The following PTPRR variants were observed in gnomAD, a reference collection of about 807,000 sequenced individuals.
PTPRR encodes protein tyrosine phosphatase receptor type R, also known as receptor-type tyrosine-protein phosphatase R.
Under a neutral mutation model 77.2 loss-of-function variants are expected in PTPRR, and 38 were observed. That is an observed-to-expected ratio of 0.49 (90% CI 0.38 to 0.65). The LOEUF (loss-of-function observed/expected upper bound fraction) is 0.65. PTPRR is among the 30% of genes least tolerant of loss of function. The pLI is 0.00. For synonymous variants in PTPRR, 299 were observed against 283.1 expected, an observed-to-expected ratio of 1.06 and a Z score of -0.57; for missense variants, 744 against 799.2, an observed-to-expected ratio of 0.93 and a Z score of 0.83.
At chr12:70,751,953 T>C (rs771175997) in intron 5 of PTPRR, among the ~76,000 whole-genome samples, 2 of 152,160 alleles carry the variant, frequency 1.3e-5, no homozygotes, top group Non-Finnish European at 2.9e-5. Flanking sequence ...TTACAGAAAA[T>C]AGAATAGTTT....
chr12:70,858,685 C>A lies in PTPRR; in HGVS notation c.357+33994G>T, dbSNP rs555724902. On this transcript the variant is annotated intron_variant, in intron 2 of 13. Coordinates refer to ENST00000283228, the MANE Select transcript of PTPRR (RefSeq NM_002849.4). ...ATCATTTTCTTTTCAATATCTTCAG[C>A]ACCTTGCCCCATGACCTTTCATCCC... Among the ~76,000 whole-genome samples the A allele has an allele frequency of 2.6e-5, 4 of 152,134 alleles. No homozygotes were observed. In the South Asian group the frequency reaches 8.3e-4, roughly 32 times the overall value.
At chr12:70,844,188 G>T (rs979255329) in intron 2 of PTPRR, among the ~76,000 whole-genome samples, 3 of 152,028 alleles carry the variant, frequency 2.0e-5, no homozygotes, top group Middle Eastern at 3.2e-3. Flanking sequence ...ATTATTAAAG[G>T]ACTCGGTACT....
At chr12:70,777,765 A>G (rs540370145) in intron 2 of PTPRR, among the ~76,000 whole-genome samples, 1 of 152,302 alleles carries the variant, frequency 6.6e-6, no homozygotes, top group African/African-American at 2.4e-5. Flanking sequence ...GAGCTACACA[A>G]AGGAAGACAT....
chr12:70,783,105 C>T (rs1331287593), intron 2 of PTPRR, among the ~76,000 whole-genome samples: 1 of 152,122 alleles, frequency 6.6e-6, no homozygotes, highest in Non-Finnish European at 1.5e-5. Context: ...GCTGGTGGCA[C>T]CTTTGCCTGA....
In PTPRR at chr12:70,884,191, T is replaced by C. The variant is rs577511210; in HGVS notation, c.357+8488A>G. ...CACGTTGCTTCTACCACCTGAGTCA[T>C]AGGGATCACAGTGAGAAACCTAAGC... On this transcript the variant is annotated intron_variant, in intron 2 of 13. Transcript: ENST00000283228. 7.9e-5 allele frequency among the ~76,000 whole-genome samples: 12 copies of C among 152,322 alleles called. No individual in the cohort carries two copies. The East Asian group carries it at 1.5e-3, about 20-fold the overall frequency.
At chr12:70,762,865 A>C (rs1258340420) in intron 3 of PTPRR, among the ~76,000 whole-genome samples, 1 of 152,198 alleles carries the variant, frequency 6.6e-6, no homozygotes, top group Non-Finnish European at 1.5e-5. Context: ...AACTCTAGCT[A>C]TTATAATAAC....
intron 2 of PTPRR, among the ~76,000 whole-genome samples, chr12:70,892,433 A>T (rs924473750): frequency 2.0e-5 from 3 of 151,752 alleles, no homozygotes; most frequent in African/African-American, 4.9e-5. Flanking sequence ...ATATTTATTA[A>T]GCATCTACCA....
chr12:70,717,287 A>G (rs896655750), intron 6 of PTPRR, among the ~76,000 whole-genome samples: 4 of 152,188 alleles, frequency 2.6e-5, no homozygotes, highest in African/African-American at 7.2e-5. Context: ...CTTTAAAAAC[A>G]TTGAGCACTA....
At chr12:70,779,444 C>T (rs74471757) in intron 2 of PTPRR, among the ~76,000 whole-genome samples, 3,507 of 152,252 alleles carry the variant, frequency 0.023, 156 homozygotes, top group African/African-American at 0.079. Flanking sequence ...TGGGTGGTGC[C>T]TCCTTCTGGT....
chr12:70,713,641 A>G (rs2136821854), intron 6 of PTPRR, among the ~76,000 whole-genome samples: 1 of 150,192 alleles, frequency 6.7e-6, no homozygotes, highest in Middle Eastern at 3.4e-3. Context: ...CATTTCCCTA[A>G]TGACTGACAA....
rs868051796 is a variant in PTPRR at position 70,866,007 on chromosome 12, C to G, written c.357+26672G>C. Among the ~76,000 whole-genome samples the G allele has an allele frequency of 1.5e-4, 22 of 151,668 alleles. 1 individual carries two copies. In the Middle Eastern group the frequency reaches 0.01, roughly 70 times the overall value. ...CCAATGAGAACAAAGACACAACATA[C>G]CAGAATCTCTGGGACACATTCAAAG... On this transcript the variant is annotated intron_variant, in intron 2 of 13. Coordinates refer to ENST00000283228, the MANE Select transcript of PTPRR (RefSeq NM_002849.4).
At chr12:70,720,970 C>T (rs1040959199) in intron 6 of PTPRR, among the ~76,000 whole-genome samples, 1 of 152,168 alleles carries the variant, frequency 6.6e-6, no homozygotes, top group African/African-American at 2.4e-5. Flanking sequence ...TATAGAGGTG[C>T]TCCTTAACAG....
intron 8 of PTPRR, among the ~76,000 whole-genome samples, chr12:70,688,889 A>T (rs1197037759): frequency 1.3e-5 from 2 of 152,212 alleles, no homozygotes; most frequent in Non-Finnish European, 2.9e-5. Context: ...ATTTGTGACA[A>T]CATAGATAGA....
intron 3 of PTPRR, among the ~76,000 whole-genome samples, chr12:70,762,977 T>A (rs1344944329): frequency 6.6e-6 from 1 of 152,150 alleles, no homozygotes; most frequent in Non-Finnish European, 1.5e-5. Context: ...GCTATTATGC[T>A]CATTAAACCT....
intron 6 of PTPRR, among the ~76,000 whole-genome samples, chr12:70,738,432 TAC>T (rs776219225): frequency 4.6e-5 from 7 of 152,218 alleles, no homozygotes; most frequent in Non-Finnish European, 7.3e-5. Flanking sequence ...AGTGCTATAT[TAC>T]AGTGTGCCAC....
chr12:70,770,818 G>A (rs1197493157), intron 2 of PTPRR, among the ~76,000 whole-genome samples: 1 of 152,026 alleles, frequency 6.6e-6, no homozygotes, highest in Non-Finnish European at 1.5e-5. Flanking sequence ...GGAATACTAT[G>A]CAGCCATAAA....
At chr12:70,884,871 C>CAAAAA (rs529547383) in intron 2 of PTPRR, among the ~76,000 whole-genome samples, 4 of 53,934 alleles carry the variant, frequency 7.4e-5, no homozygotes, top group African/African-American at 9.3e-5. Flanking sequence ...AACTCTGTCT[C>CAAAAA]AAAAAAAAAA....
chr12:70,639,303 C>G (rs1253983349), intron 13 of PTPRR, 26 bp from the exon 14 acceptor site: 2 of 1,604,924 alleles, frequency 1.2e-6, no homozygotes, highest in African/African-American at 1.3e-5. Context: ...CATAAAATAA[C>G]TGATTTTGCT....
chr12:70,879,394 TAA>T (rs75616879), intron 2 of PTPRR, among the ~76,000 whole-genome samples: 83 of 140,064 alleles, frequency 5.9e-4, no homozygotes, highest in Non-Finnish European at 6.3e-4. Flanking sequence ...GATCCTATTG[TAA>T]AAAAAAAAAA....
Sources: allele counts gnomAD v4.1 joint callset (sites outside exome capture counted in the v4.1 genomes callset), GRCh38; gene constraint gnomAD v4.1.1; transcripts MANE v1.5; gene names NCBI Gene and HGNC (gene_info 2026-07-23, HGNC 2026-07-21).